The following RPGRIP1L variants were observed in gnomAD, a reference collection of about 807,000 sequenced individuals.
The protein encoded by RPGRIP1L is RPGRIP1 like, also known as protein fantom.
A neutral mutation model predicts 160.4 loss-of-function variants in RPGRIP1L; 131 were observed. That is an observed-to-expected ratio of 0.82 (90% CI 0.71 to 0.94). The LOEUF (loss-of-function observed/expected upper bound fraction) is 0.94. Among genes scored for constraint, RPGRIP1L ranks in the 40% least tolerant of loss-of-function variants. The probability of loss-of-function intolerance (pLI) is 0.00; values close to 1 mark genes in which losing one functional copy is unlikely to be tolerated. For synonymous variants in RPGRIP1L, 510 were observed against 515.8 expected (o/e 0.99, Z 0.15); for missense variants, 1,522 against 1,535.8 (o/e 0.99, Z 0.15).
At chr16:53,619,655 G>C (rs1964591101) in intron 23 of RPGRIP1L, among the ~76,000 whole-genome samples, 1 of 152,026 alleles carries the variant, frequency 6.6e-6, no homozygotes, top group Non-Finnish European at 1.5e-5. Context: ...CACTTTATAG[G>C]TATTATGCTA....
chr16:53,640,559 C>T lies in RPGRIP1L; in HGVS notation c.2958+474G>A, dbSNP rs10438562. ...TAAAGTTGGAGGCAAGCTAGGAAGG[C>T]ATGGTGTCCCAGAGGCCAAGAGAAG... On this transcript the variant is annotated intron_variant, in intron 19 of 26. Coordinates refer to ENST00000647211, the MANE Select transcript of RPGRIP1L (RefSeq NM_015272.5). Among the ~76,000 whole-genome samples the T allele has an allele frequency of 4.8e-3, 737 of 152,198 alleles. 5 individuals carry two copies. Among genetic ancestry groups the T allele is most frequent in the Non-Finnish European group, 8.5e-3 (575 of 68,014 alleles).
Position 53,697,615 on chromosome 16 carries a change from C to T in RPGRIP1L, c.86-1320G>A, listed in dbSNP as rs562811798. Among the ~76,000 whole-genome samples the T allele has an allele frequency of 1.4e-4, 22 of 152,364 alleles. No homozygotes were observed. The South Asian group carries it at 3.9e-3, about 27-fold the overall frequency. The stretch of plus-strand genomic sequence containing the variant: ...CTGACCGCGAGTGATCCACCAGCCT[C>T]GGCCTCTGGAGGTGCCGGGATTGCA... On this transcript the variant is annotated intron_variant, in intron 2 of 26. Transcript: ENST00000647211.
At chr16:53,695,527 T>C (rs1190032373) in intron 3 of RPGRIP1L, 1 of 654,010 alleles carries the variant, frequency 1.5e-6, no homozygotes, top group African/African-American at 1.8e-5. Context: ...TTTTAATGCC[T>C]TCCCCTCAGA....
Position 53,648,974 on chromosome 16 carries a change from T to C in RPGRIP1L, c.2294A>G (p.His765Arg). 6.2e-7 allele frequency: 1 copy of C among 1,614,008 alleles called. No individual in the cohort carries two copies. The highest frequency in any genetic ancestry group is 8.5e-7 in the Non-Finnish European group (1 of 1,179,878). ...GCCAAATGAGCTTACCGACTGCATA[T>C]GCTCTGGCCCCTTAAAATTTGATGT... ...YITSNFKGPE[H>R]MQSLSQQAPK... The change falls in exon 16 of 27, where the codon CAT becomes CGT. Residue 765 changes from histidine (H) to arginine (R), a missense_variant. His to Arg is a conservative substitution (Grantham distance 29). Coordinates refer to ENST00000647211, the MANE Select transcript of RPGRIP1L (RefSeq NM_015272.5).
chr16:53,675,313 C>T (rs896465679), intron 6 of RPGRIP1L, among the ~76,000 whole-genome samples, 191 bp from the exon 7 acceptor site: 2 of 152,082 alleles, frequency 1.3e-5, no homozygotes, highest in Non-Finnish European at 2.9e-5. Flanking sequence ...AACCAATAAT[C>T]ATTCCTGAAC....
intron 19 of RPGRIP1L, 139 bp downstream of exon 19, chr16:53,640,894 C>A: frequency 2.7e-6 from 2 of 739,110 alleles, no homozygotes; most frequent in South Asian, 1.5e-5. Context: ...TGCCGAAACA[C>A]AAAGCAATCA....
Position 53,671,542 on chromosome 16 carries a change from A to T in RPGRIP1L, c.1071T>A (p.Leu357=), listed in dbSNP as rs549925964. 1.5e-5 allele frequency: 23 copies of T among 1,579,322 alleles called. No homozygotes were observed. In the African/African-American group the frequency reaches 2.4e-4, roughly 17 times the overall value. ...AAAGTTTATCATAGTTTTCCTTTAA[A>T]AGTTCCCGTTCCTTTTCTAAATCAT... The part of the protein sequence containing the change: ...RINDLEKERE[L]LKENYDKLYD... Residue 357 remains leucine (L), a synonymous_variant, in exon 9 of 27, where the codon CTT becomes CTA. Transcript: ENST00000647211.
intron 26 of RPGRIP1L, 170 bp downstream of exon 26, chr16:53,605,311 A>T: frequency 1.4e-6 from 1 of 695,018 alleles, no homozygotes; most frequent in Non-Finnish European, 2.6e-6. Context: ...AGGACAGGAA[A>T]AGGATATAGG....
At chr16:53,647,524 G>A (rs1352199644) in intron 16 of RPGRIP1L, among the ~76,000 whole-genome samples, 3 of 152,250 alleles carry the variant, frequency 2.0e-5, no homozygotes, top group Middle Eastern at 3.4e-3. Context: ...GTCCAGATAT[G>A]TCTTGCTTTC....
At chr16:53,702,108 T>C (rs1453194216) in intron 1 of RPGRIP1L, among the ~76,000 whole-genome samples, 2 of 152,212 alleles carry the variant, frequency 1.3e-5, no homozygotes, top group Admixed American at 6.5e-5. Flanking sequence ...TTAACATTCA[T>C]TGAACGCTTA....
rs1030566201 is a variant in RPGRIP1L at position 53,692,377 on chromosome 16, T to G, written c.231-13A>C. On this transcript the variant is annotated splice_polypyrimidine_tract_variant and intron_variant, in intron 3 of 26. Transcript: ENST00000647211. ...CTTGGTGGCCATTCTGGGGAAATAA[T>G]AAAAAGATGAAAAGGAATGTGAGAA... The G allele has an allele frequency of 6.2e-7, 1 of 1,611,060 alleles. No homozygotes were observed. Among genetic ancestry groups the G allele is most frequent in the Admixed American group, 1.7e-5 (1 of 60,018 alleles).
chr16:53,598,459 C>G lies in RPGRIP1L; in HGVS notation c.*3617G>C, dbSNP rs1963264314. The G allele has an allele frequency of 6.6e-6, 1 of 152,102 alleles. No homozygotes were observed. The highest frequency in any genetic ancestry group is 2.4e-5 in the African/African-American group (1 of 41,418). The allele number at this position is 152,102 out of a possible 1,614,324, so 9.4% of individuals were successfully genotyped here. ...AGTAATATGGGTCCAATTTTCCAGGCGGTCAGGCTGGAGGGTGCAGTCCAC... is the reference window on the plus strand; with the variant it reads ...AGTAATATGGGTCCAATTTTCCAGGGGGTCAGGCTGGAGGGTGCAGTCCAC... On this transcript the variant is annotated 3_prime_UTR_variant, in exon 27 of 27. Transcript: ENST00000647211.
chr16:53,625,315 G>A (rs1342655641), intron 22 of RPGRIP1L, among the ~76,000 whole-genome samples: 1 of 151,162 alleles, frequency 6.6e-6, no homozygotes, highest in Non-Finnish European at 1.5e-5. Flanking sequence ...CTGGGATGTG[G>A]GGAGCGCCTC....
intron 2 of RPGRIP1L, among the ~76,000 whole-genome samples, chr16:53,698,817 C>T (rs1342236079): frequency 3.3e-5 from 5 of 150,464 alleles, no homozygotes; most frequent in Non-Finnish European, 5.9e-5. Context: ...AGGTGAGGGG[C>T]GCCTCTGCCC....
intron 23 of RPGRIP1L, among the ~76,000 whole-genome samples, chr16:53,621,479 CA>C (rs1222406318): frequency 2.1e-5 from 3 of 141,044 alleles, no homozygotes; most frequent in African/African-American, 7.9e-5. Context: ...TTACTTCGAT[CA>C]AATGTCCTTT....
chr16:53,668,925 T>C (rs866811661), intron 9 of RPGRIP1L, among the ~76,000 whole-genome samples: 1 of 152,184 alleles, frequency 6.6e-6, no homozygotes, highest in South Asian at 2.1e-4. Context: ...GATTCTCTAA[T>C]ATGTCATATG....
At chr16:53,612,809 A>C (rs1233733140) in intron 24 of RPGRIP1L, among the ~76,000 whole-genome samples, 1 of 152,230 alleles carries the variant, frequency 6.6e-6, no homozygotes. Context: ...GTGGCATTAA[A>C]TATCTACATA....
Position 53,665,029 on chromosome 16 carries a change from TG to T in RPGRIP1L, c.1104-21del, listed in dbSNP as rs1362701851. 1.9e-6 allele frequency: 3 copies of T among 1,613,072 alleles called. No individual in the cohort carries two copies. The highest frequency in any genetic ancestry group is 2.5e-6 in the Non-Finnish European group (3 of 1,179,780). On this transcript the variant is annotated intron_variant, in intron 9 of 26. Coordinates refer to ENST00000647211, the MANE Select transcript of RPGRIP1L (RefSeq NM_015272.5). ...AAGGCACTGCAAAACACACGTGACATGCAAGGAAAGCTTGGAAATCAGCTTC... is the reference window on the plus strand; with the variant it reads ...AAGGCACTGCAAAACACACGTGACATCAAGGAAAGCTTGGAAATCAGCTTC...
At chr16:53,610,837 G>A (rs1023253559) in intron 25 of RPGRIP1L, 130 bp downstream of exon 25, 4 of 746,810 alleles carry the variant, frequency 5.4e-6, no homozygotes, top group South Asian at 2.9e-5. Flanking sequence ...GTACTCATTC[G>A]AGGGTACAGA....
Sources: allele counts gnomAD v4.1 joint callset (sites outside exome capture counted in the v4.1 genomes callset), GRCh38; gene constraint gnomAD v4.1.1; transcripts MANE v1.5; gene names NCBI Gene and HGNC (gene_info 2026-07-23, HGNC 2026-07-21).